Variants in CDK5RAP2 observed in about 807,000 individuals in gnomAD.
CDK5RAP2 encodes the protein CDK5 regulatory subunit associated protein 2, also known as CDK5 regulatory subunit-associated protein 2.
CDK5RAP2 carries 147 observed loss-of-function variants against 232.9 expected under a neutral mutation model. The observed-to-expected ratio is 0.63, with a 90% CI of 0.55 to 0.72. The LOEUF is 0.72. CDK5RAP2 is among the 30% of genes least tolerant of loss of function. CDK5RAP2 has a pLI of 0.00. For synonymous variants in CDK5RAP2, 833 were observed against 833.7 expected (o/e 1.00, Z 0.01); for missense variants, 2,195 against 2,231.5 (o/e 0.98, Z 0.33).
Position 120,443,697 on chromosome 9 carries a change from T to C in CDK5RAP2, c.3071A>G (p.Gln1024Arg), listed in dbSNP as rs769459439. 6.2e-7 allele frequency: 1 copy of C among 1,614,130 alleles called. No homozygotes were observed. The stretch of plus-strand genomic sequence containing the variant: ...AGAAGATGTGGTTTTAATTCCTTTC[T>C]GCTCTCCTGGGCTGTCCTGGTAGGC... ...GAAYQDSPGE[Q>R]KGIKTTSSVW... The change falls in exon 23 of 38, where the codon CAG (glutamine) becomes CGG (arginine). Residue 1024 changes from glutamine (Q) to arginine (R), a missense_variant. Physicochemically the swap from Gln to Arg is conservative, Grantham distance 43. Transcript: ENST00000349780.
At position 120,579,981 on chromosome 9, in the gene CDK5RAP2, C is replaced by A. The variant is rs932975; in HGVS notation, c.-3G>T. 1,599,820 of 1,607,410 alleles carry A rather than the reference C, an allele frequency of 1. 796,333 individuals carry two copies. The highest frequency in any genetic ancestry group is 1 in the East Asian group (44,841 of 44,842). On this transcript the variant is annotated 5_prime_UTR_variant, in exon 1 of 38. Coordinates refer to ENST00000349780, the MANE Select transcript of CDK5RAP2 (RefSeq NM_018249.6). ...TCTTCCAACACCAAGTCCATCATGG[C>A]TACAGAGGTGGCGACAGCGTTGGTG...
intron 3 of CDK5RAP2, among the ~76,000 whole-genome samples, chr9:120,560,869 G>C (rs910082943): frequency 1.3e-5 from 2 of 151,902 alleles, no homozygotes; most frequent in African/African-American, 4.8e-5. Flanking sequence ...TGCCCGCCTT[G>C]ACTTCCCAAA....
rs1241176419 is a variant in CDK5RAP2, at chr9:120,400,750, A to G, written c.5443T>C (p.Cys1815Arg). The G allele has an allele frequency of 1.9e-6, 3 of 1,613,618 alleles. No individual in the cohort carries two copies. Among genetic ancestry groups the G allele is most frequent in the Non-Finnish European group, 2.5e-6 (3 of 1,180,034 alleles). The change falls in exon 35 of 38, where the codon TGT becomes CGT. Residue 1815 changes from cysteine to arginine, a missense_variant. By Grantham distance (180) the Cys-to-Arg change is radical. Transcript: ENST00000349780. ...CATGTGTCACCACCTACCTGCTCAC[A>G]GTGAAGGGGGCACTGGCCATCCTCG... is the stretch of plus-strand genomic sequence containing the variant. The part of the protein sequence containing the change: ...LPEDGQCPLH[C>R]EQIGEMKAEV...
chr9:120,570,479 T>C (rs1042495851), intron 2 of CDK5RAP2, among the ~76,000 whole-genome samples: 2 of 152,170 alleles, frequency 1.3e-5, no homozygotes, highest in African/African-American at 2.4e-5. Context: ...GTAACCACAT[T>C]TGAGGTTGAA....
intron 26 of CDK5RAP2, among the ~76,000 whole-genome samples, chr9:120,422,241 G>A (rs936279974): frequency 6.6e-6 from 1 of 152,224 alleles, no homozygotes; most frequent in Non-Finnish European, 1.5e-5. Flanking sequence ...ACTTCAAGAG[G>A]AGGAAGGCAG....
At chr9:120,487,522 AT>A in intron 13 of CDK5RAP2, 85 bp from the exon 14 acceptor site, 1 of 1,099,586 alleles carries the variant, frequency 9.1e-7, no homozygotes, top group Non-Finnish European at 1.3e-6. Context: ...AAGGAAAAAT[AT>A]TTTATTTTTT....
chr9:120,578,564 C>G (rs1443255848), intron 1 of CDK5RAP2, among the ~76,000 whole-genome samples: 1 of 99,016 alleles, frequency 1.0e-5, no homozygotes, highest in South Asian at 4.1e-4. Context: ...ATTATTTTCA[C>G]TTTCCTTTTT....
chr9:120,397,836 C>T (rs537376726), intron 35 of CDK5RAP2, among the ~76,000 whole-genome samples: 1 of 152,312 alleles, frequency 6.6e-6, no homozygotes, highest in East Asian at 1.9e-4. Context: ...TCTCAGAGTT[C>T]CTGATTCAGC....
At chr9:120,530,582 A>G (rs2041106105) in intron 7 of CDK5RAP2, among the ~76,000 whole-genome samples, 1 of 152,296 alleles carries the variant, frequency 6.6e-6, no homozygotes, top group East Asian at 1.9e-4. Context: ...GTTTAAAAAC[A>G]CTGACTTTCA....
chr9:120,467,640 T>C (rs968165316), intron 18 of CDK5RAP2, among the ~76,000 whole-genome samples: 1 of 152,120 alleles, frequency 6.6e-6, no homozygotes, highest in African/African-American at 2.4e-5. Flanking sequence ...TATATATGAA[T>C]ATATGGTTTT....
chr9:120,534,302 G>A (rs181676125), intron 7 of CDK5RAP2, among the ~76,000 whole-genome samples: 98 of 152,104 alleles, frequency 6.4e-4, no homozygotes, highest in African/African-American at 1.2e-3. Flanking sequence ...ACTTCCACTC[G>A]CACTGTTCCT....
chr9:120,551,746 TA>T lies in CDK5RAP2; in HGVS notation c.196-845del, dbSNP rs1282446179. Among the ~76,000 whole-genome samples, 3 of 152,338 alleles carry T rather than the reference TA, an allele frequency of 2.0e-5. No individual in the cohort carries two copies. In the East Asian group the frequency reaches 5.8e-4, roughly 29 times the overall value. Reference sequence around the variant, plus strand: ...AAGTACAATAGAATCTTGAATTTTTTACAGAAACAACCATATGATGATACCC... The same window carrying T: ...AAGTACAATAGAATCTTGAATTTTTTCAGAAACAACCATATGATGATACCC... On this transcript the variant is annotated intron_variant, in intron 3 of 37. Coordinates refer to ENST00000349780, the MANE Select transcript of CDK5RAP2 (RefSeq NM_018249.6).
At chr9:120,521,640 T>C (rs1803075623) in intron 11 of CDK5RAP2, among the ~76,000 whole-genome samples, 1 of 150,444 alleles carries the variant, frequency 6.6e-6, no homozygotes, top group African/African-American at 2.5e-5. Flanking sequence ...TTAAACCTCT[T>C]TTTCTTTTTT....
intron 4 of CDK5RAP2, among the ~76,000 whole-genome samples, chr9:120,547,793 C>T (rs2041904066): frequency 6.6e-6 from 1 of 152,168 alleles, no homozygotes; most frequent in South Asian, 2.1e-4. Flanking sequence ...GAGGAGACCA[C>T]AAAGTCAGTG....
Position 120,545,764 on chromosome 9 carries a change from T to C in CDK5RAP2, c.333A>G (p.Glu111=). 1 of 1,613,860 alleles carries C rather than the reference T, an allele frequency of 6.2e-7. No homozygotes were observed. Among genetic ancestry groups the C allele is most frequent in the South Asian group, 1.1e-5 (1 of 91,076 alleles). ...TCTCCTGGAGTTCCCGCTTCAGACT[T>C]TCTACTTCCACCTTGAGCTCAATGT... ...KTNIELKVEV[E]SLKRELQERE... The change falls in exon 5 of 38, where the codon GAA becomes GAG. Residue 111 remains glutamate, a synonymous_variant. Coordinates refer to ENST00000349780, the MANE Select transcript of CDK5RAP2 (RefSeq NM_018249.6).
At chr9:120,448,184 CA>C in intron 21 of CDK5RAP2, 58 bp from the exon 22 acceptor site, 1 of 1,363,488 alleles carries the variant, frequency 7.3e-7, no homozygotes, top group Non-Finnish European at 1.1e-6. Flanking sequence ...TTTGGTTGCA[CA>C]GTCAACATTC....
chr9:120,390,927 G>A (rs1489861759), intron 36 of CDK5RAP2, among the ~76,000 whole-genome samples: 2 of 152,156 alleles, frequency 1.3e-5, no homozygotes, highest in Non-Finnish European at 2.9e-5. Context: ...GGGACAGACG[G>A]TGTGGACTTT....
intron 25 of CDK5RAP2, among the ~76,000 whole-genome samples, chr9:120,427,505 A>G (rs1217485572): frequency 6.6e-6 from 1 of 152,206 alleles, no homozygotes; most frequent in Non-Finnish European, 1.5e-5. Flanking sequence ...GTCTGACTCC[A>G]AAGGTCTTGT....
rs2040481810 is a variant in CDK5RAP2 at position 120,518,735 on chromosome 9, A to G, written c.1093-90T>C. Reference sequence around the variant, plus strand: ...CCTGGGCTCTTTTTCGCCGTGGGGGAAAAAAAGAAAAGAAAAAGATTAACA... The same window carrying G: ...CCTGGGCTCTTTTTCGCCGTGGGGGGAAAAAAGAAAAGAAAAAGATTAACA... On this transcript the variant is annotated intron_variant, in intron 11 of 37. Coordinates refer to ENST00000349780, the MANE Select transcript of CDK5RAP2 (RefSeq NM_018249.6). The G allele has an allele frequency of 2.6e-5, 25 of 967,622 alleles. 1 individual carries two copies. The South Asian group carries it at 3.5e-4, about 14-fold the overall frequency. 59.9% of individuals were successfully genotyped at this position (967,622 alleles called of 1,614,324 possible). A position where few individuals can be genotyped will look rare whatever the true frequency, so the allele number is the denominator to read the frequency against.
Sources: gnomAD v4.1 joint callset for allele counts (sites outside exome capture counted in the v4.1 genomes callset) on GRCh38, gnomAD v4.1.1 for gene constraint, MANE v1.5 for transcripts, NCBI Gene and HGNC (gene_info 2026-07-23, HGNC 2026-07-21) for gene names.